The following GNAQ variants were observed in gnomAD, a reference collection of about 807,000 sequenced individuals.
GNAQ encodes G protein subunit alpha q, also known as guanine nucleotide-binding protein G(q) subunit alpha.
GNAQ carries 8 observed loss-of-function variants against 43.9 expected under a neutral mutation model. That is an observed-to-expected ratio of 0.18 (90% CI 0.11 to 0.33). GNAQ has a LOEUF of 0.33. Among genes scored for constraint, GNAQ ranks in the 10% least tolerant of loss-of-function variants. GNAQ has a pLI of 1.00. For synonymous variants in GNAQ, 155 were observed against 170.7 expected (o/e 0.91, Z 0.71); for missense variants, 158 against 450.8 (o/e 0.35, Z 5.88).
intron 1 of GNAQ, among the ~76,000 whole-genome samples, chr9:77,998,955 G>C (rs1163357274): frequency 2.0e-5 from 3 of 151,796 alleles, no homozygotes; most frequent in Non-Finnish European, 4.4e-5. Flanking sequence ...GCCAGGTGTG[G>C]TGGCGGGCAC....
intron 2 of GNAQ, among the ~76,000 whole-genome samples, chr9:77,852,180 A>G (rs1325436395): frequency 6.6e-6 from 1 of 152,212 alleles, no homozygotes; most frequent in Non-Finnish European, 1.5e-5. Flanking sequence ...GGCAAGGCTC[A>G]TGTTTTCATG....
At chr9:77,816,651 T>C (rs1352185797) in intron 2 of GNAQ, among the ~76,000 whole-genome samples, 1 of 152,092 alleles carries the variant, frequency 6.6e-6, no homozygotes, top group East Asian at 1.9e-4. Context: ...TACATAAATA[T>C]GCAACTAAGC....
At chr9:77,849,755 C>A (rs1587944362) in intron 2 of GNAQ, among the ~76,000 whole-genome samples, 2 of 152,170 alleles carry the variant, frequency 1.3e-5, no homozygotes, top group South Asian at 4.1e-4. Context: ...CAACCTCAAC[C>A]TCCTAGGCTC....
chr9:77,971,712 A>G (rs949411820), intron 1 of GNAQ, among the ~76,000 whole-genome samples: 2 of 152,184 alleles, frequency 1.3e-5, no homozygotes, highest in Non-Finnish European at 2.9e-5. Flanking sequence ...ACCTTTGAAA[A>G]CCGGCATAAG....
chr9:77,776,720 C>T (rs1345537224), intron 5 of GNAQ, among the ~76,000 whole-genome samples: 1 of 152,170 alleles, frequency 6.6e-6, no homozygotes, highest in Non-Finnish European at 1.5e-5. Flanking sequence ...ATGAAAAATA[C>T]TGTAATCCAA....
At chr9:77,979,218 C>T (rs923106191) in intron 1 of GNAQ, among the ~76,000 whole-genome samples, 16 of 151,854 alleles carry the variant, frequency 1.1e-4, no homozygotes, top group African/African-American at 2.2e-4. Flanking sequence ...TAACCAGGTA[C>T]GGTGGCGGAT....
chr9:77,809,966 C>T (rs761905617), intron 3 of GNAQ, among the ~76,000 whole-genome samples: 45 of 152,082 alleles, frequency 3.0e-4, no homozygotes, highest in Non-Finnish European at 5.9e-4. Context: ...TGCTGCTTAG[C>T]TAAACATGGC....
intron 5 of GNAQ, among the ~76,000 whole-genome samples, chr9:77,786,869 G>A (rs1297098929): frequency 6.6e-6 from 1 of 152,130 alleles, no homozygotes; most frequent in Non-Finnish European, 1.5e-5. Context: ...TGCAACAAGA[G>A]ACACACAACT....
intron 1 of GNAQ, among the ~76,000 whole-genome samples, chr9:78,004,371 G>A (rs1823680424): frequency 6.6e-6 from 1 of 152,086 alleles, no homozygotes. Context: ...TCCGAAGTGG[G>A]GTCTCTGGAC....
chr9:77,831,286 A>C (rs1301662075), intron 2 of GNAQ, among the ~76,000 whole-genome samples: 1 of 152,222 alleles, frequency 6.6e-6, no homozygotes, highest in East Asian at 1.9e-4. Context: ...ATAGAATTTT[A>C]AGAAAAGCCA....
In GNAQ at chr9:77,987,337, T is replaced by C. The variant is rs555630447; in HGVS notation, c.136+43763A>G. 4.3e-4 allele frequency among the ~76,000 whole-genome samples: 65 copies of C among 151,440 alleles called. 1 individual carries two copies. In the South Asian group the frequency reaches 0.012, roughly 29 times the overall value. Reference sequence around the variant, plus strand: ...GACTTCTGAAATGGTAGGAGTCAGTTAGACCGAAAAAAAAAATCCTTGCGG... The same window carrying C: ...GACTTCTGAAATGGTAGGAGTCAGTCAGACCGAAAAAAAAAATCCTTGCGG... On this transcript the variant is annotated intron_variant, in intron 1 of 6. Coordinates refer to ENST00000286548, the MANE Select transcript of GNAQ (RefSeq NM_002072.5).
At chr9:77,804,226 G>C (rs1162833305) in intron 3 of GNAQ, among the ~76,000 whole-genome samples, 1 of 151,962 alleles carries the variant, frequency 6.6e-6, no homozygotes, top group East Asian at 1.9e-4. Context: ...ACCTATGACT[G>C]GAAGAGTAAC....
intron 5 of GNAQ, among the ~76,000 whole-genome samples, chr9:77,732,276 AG>A (rs1327710201): frequency 6.6e-6 from 1 of 152,158 alleles, no homozygotes; most frequent in African/African-American, 2.4e-5. Context: ...ACAGGTTTAA[AG>A]GCAGTCTGGG....
chr9:77,858,639 G>T (rs1052188117), intron 2 of GNAQ, among the ~76,000 whole-genome samples: 11 of 151,686 alleles, frequency 7.3e-5, no homozygotes, highest in African/African-American at 2.4e-4. Flanking sequence ...TCTTGGAAAT[G>T]CTGCCTAGTT....
chr9:77,717,181 TA>T lies in GNAQ; in HGVS notation c.*4141del, dbSNP rs1390757626. 16 of 232,192 alleles carry T rather than the reference TA, an allele frequency of 6.9e-5. No individual in the cohort carries two copies. In the Admixed American group the frequency reaches 7.3e-4, roughly 11 times the overall value. The allele number at this position is 232,192 out of a possible 1,614,324, so 14.4% of individuals were successfully genotyped here. The stretch of plus-strand genomic sequence containing the variant: ...GATAAACATACAATATTACTAGTTT[TA>T]TTTTTTTGTGTTTCTAACCAAAGAT... On this transcript the variant is annotated 3_prime_UTR_variant, in exon 7 of 7. Coordinates refer to ENST00000286548, the MANE Select transcript of GNAQ (RefSeq NM_002072.5).
chr9:77,975,536 CTTTTTTTT>C (rs34636918), intron 1 of GNAQ, among the ~76,000 whole-genome samples: 1 of 115,276 alleles, frequency 8.7e-6, no homozygotes, highest in East Asian at 2.6e-4. Context: ...TCAGCCCCCC[CTTTTTTTT>C]TTTTTTTTTT....
At chr9:78,019,296 A>G (rs1283007749) in intron 1 of GNAQ, among the ~76,000 whole-genome samples, 4 of 152,216 alleles carry the variant, frequency 2.6e-5, no homozygotes, top group African/African-American at 9.6e-5. Context: ...TTCTAACGTG[A>G]TCTGGATAAC....
At chr9:77,890,677 C>G (rs1343655817) in intron 2 of GNAQ, among the ~76,000 whole-genome samples, 1 of 151,208 alleles carries the variant, frequency 6.6e-6, no homozygotes, top group Non-Finnish European at 1.5e-5. Context: ...GAGCCGAGAT[C>G]ACACCATTGC....
intron 2 of GNAQ, among the ~76,000 whole-genome samples, chr9:77,877,540 G>A (rs1828143296): frequency 6.6e-6 from 1 of 152,114 alleles, no homozygotes; most frequent in South Asian, 2.1e-4. Flanking sequence ...AAAAAATATA[G>A]GTGGGTAATA....
Sources: allele counts gnomAD v4.1 joint callset (sites outside exome capture counted in the v4.1 genomes callset), GRCh38; gene constraint gnomAD v4.1.1; transcripts MANE v1.5; gene names NCBI Gene and HGNC (gene_info 2026-07-23, HGNC 2026-07-21).